PRDM5: variants seen among roughly 807,000 people sequenced by gnomAD.
PRDM5 encodes the protein PR/SET domain 5, also known as PR domain zinc finger protein 5.
PRDM5 carries 56 observed loss-of-function variants against 81.2 expected under a neutral mutation model. The ratio of observed to expected loss-of-function variants is 0.69; its 90% CI spans 0.56 to 0.86. The LOEUF is 0.86. Ranked by LOEUF, PRDM5 falls within the 40% of genes least tolerant of loss-of-function variation. The pLI is 0.00. For synonymous variants in PRDM5, 267 were observed against 256.4 expected (o/e 1.04, Z -0.39); for missense variants, 697 against 770.1 (o/e 0.91, Z 1.12).
chr4:120,723,746 G>A (rs1042263905), intron 14 of PRDM5, among the ~76,000 whole-genome samples: 1 of 152,014 alleles, frequency 6.6e-6, no homozygotes, highest in African/African-American at 2.4e-5. Flanking sequence ...AAAATGTTGA[G>A]TTTCAAATAA....
chr4:120,777,265 T>C lies in PRDM5; in HGVS notation c.1460A>G (p.Lys487Arg), dbSNP rs1424923979. Residue 487 changes from lysine (K) to arginine (R), a missense_variant, in exon 13 of 16, where the codon AAG becomes AGG. Around this residue, in one of 3 missense-constraint regions of PRDM5, gnomAD observed 577 missense variants for 606.7 expected, o/e 0.95. Coordinates refer to ENST00000264808, the MANE Select transcript of PRDM5 (RefSeq NM_018699.4). ...GCCACAATATGGACAGATTTTCTCC[T>C]TTTCTCCTGTATGTGTCTAAAAGGA... ...RSHKKTHTGE[K>R]EKICPYCGQK... 4 of 1,613,250 alleles carry C rather than the reference T, an allele frequency of 2.5e-6. No individual in the cohort carries two copies. Among genetic ancestry groups the C allele is most frequent in the Non-Finnish European group, 3.4e-6 (4 of 1,179,506 alleles).
intron 2 of PRDM5, among the ~76,000 whole-genome samples, chr4:120,873,202 C>G (rs971920097): frequency 6.6e-6 from 1 of 152,042 alleles, no homozygotes; most frequent in Non-Finnish European, 1.5e-5. Context: ...CAGGATTTCA[C>G]CATGTTGGCC....
At chr4:120,827,305 T>C (rs1213858527) in intron 3 of PRDM5, among the ~76,000 whole-genome samples, 3 of 152,034 alleles carry the variant, frequency 2.0e-5, no homozygotes, top group African/African-American at 7.2e-5. Context: ...CCAAATATGA[T>C]GGTTGTCATG....
At chr4:120,821,562 A>C (rs1294436117) in intron 3 of PRDM5, among the ~76,000 whole-genome samples, 1 of 152,192 alleles carries the variant, frequency 6.6e-6, no homozygotes, top group Non-Finnish European at 1.5e-5. Flanking sequence ...ACATTTACAC[A>C]TGTCAAATGA....
At chr4:120,879,544 A>T (rs1330322070) in intron 2 of PRDM5, among the ~76,000 whole-genome samples, 1 of 152,222 alleles carries the variant, frequency 6.6e-6, no homozygotes, top group African/African-American at 2.4e-5. Flanking sequence ...CACGTATTAG[A>T]TACAAAATAT....
intron 10 of PRDM5, among the ~76,000 whole-genome samples, chr4:120,789,542 T>A (rs1750267350): frequency 6.6e-6 from 1 of 152,078 alleles, no homozygotes; most frequent in Admixed American, 6.5e-5. Context: ...TTGGAGAAAA[T>A]ATTCCAGAGG....
chr4:120,698,184 C>T (rs573410405), intron 15 of PRDM5, among the ~76,000 whole-genome samples: 1 of 152,308 alleles, frequency 6.6e-6, no homozygotes, highest in East Asian at 1.9e-4. Flanking sequence ...AGTCCACTCA[C>T]ATCAGACTTC....
intron 3 of PRDM5, among the ~76,000 whole-genome samples, chr4:120,850,153 T>TA (rs1759100067): frequency 6.6e-6 from 1 of 152,108 alleles, no homozygotes; most frequent in South Asian, 2.1e-4. Context: ...TTGGACCAAG[T>TA]ATTGACGTTT....
intron 14 of PRDM5, 118 bp from the exon 15 acceptor site, chr4:120,710,531 C>T: frequency 1.2e-6 from 1 of 828,292 alleles, no homozygotes; most frequent in South Asian, 1.4e-5. Context: ...TACAGGTATG[C>T]TGATATGGTT....
chr4:120,724,955 C>A (rs943478540), intron 14 of PRDM5, among the ~76,000 whole-genome samples: 4 of 152,160 alleles, frequency 2.6e-5, no homozygotes, highest in Non-Finnish European at 5.9e-5. Flanking sequence ...TAGCATAAAC[C>A]TGCCCCAGTC....
intron 8 of PRDM5, among the ~76,000 whole-genome samples, chr4:120,802,480 C>T (rs979210407): frequency 6.6e-6 from 1 of 152,238 alleles, no homozygotes; most frequent in Non-Finnish European, 1.5e-5. Context: ...TGACACCCCA[C>T]ATGGCCAGGT....
chr4:120,754,924 G>C (rs1173356274), intron 13 of PRDM5, among the ~76,000 whole-genome samples: 2 of 152,124 alleles, frequency 1.3e-5, no homozygotes, highest in Non-Finnish European at 2.9e-5. Flanking sequence ...TAATACTTGA[G>C]ACCAAATTAA....
chr4:120,905,253 C>T (rs924518493), intron 2 of PRDM5, among the ~76,000 whole-genome samples: 1 of 152,164 alleles, frequency 6.6e-6, no homozygotes, highest in African/African-American at 2.4e-5. Flanking sequence ...CCACTCCTCA[C>T]CCCCAGCAGT....
chr4:120,781,779 G>A (rs755192219), intron 11 of PRDM5, among the ~76,000 whole-genome samples: 1 of 152,178 alleles, frequency 6.6e-6, no homozygotes, highest in Non-Finnish European at 1.5e-5. Context: ...AAGCCTCTGA[G>A]GGCAGAGGGT....
At chr4:120,798,143 A>T in intron 10 of PRDM5, 124 bp downstream of exon 10, 1 of 636,312 alleles carries the variant, frequency 1.6e-6, no homozygotes, top group Non-Finnish European at 2.5e-6. Context: ...CAGGTGAGTG[A>T]TCTTCTCTAG....
At chr4:120,839,824 G>A (rs974031642) in intron 3 of PRDM5, among the ~76,000 whole-genome samples, 5 of 152,184 alleles carry the variant, frequency 3.3e-5, no homozygotes, top group South Asian at 2.1e-4. Flanking sequence ...GCTCTGCATC[G>A]GTTTCCAACC....
intron 14 of PRDM5, among the ~76,000 whole-genome samples, chr4:120,734,654 G>T (rs922329055): frequency 2.0e-5 from 3 of 152,124 alleles, no homozygotes; most frequent in Admixed American, 2.0e-4. Context: ...GTTTTCTCCT[G>T]GTTCTCCTTC....
Position 120,821,182 on chromosome 4 carries a change from G to T in PRDM5, c.464C>A (p.Ala155Glu). The stretch of plus-strand genomic sequence containing the variant: ...TAAAGATGCAATACCTTTTCTGCCC[G>T]CTGTTGATTGTCTTCTAGAATTTTC... ...EVENSRRQST[A>E]GRKDRLGCKE... The change falls in exon 4 of 16, where the codon GCG becomes GAG. Residue 155 changes from alanine to glutamate, a missense_variant. Physicochemically the swap from Ala to Glu is moderately radical, Grantham distance 107. Around this residue, in one of 3 missense-constraint regions of PRDM5, gnomAD observed 577 missense variants for 606.7 expected, o/e 0.95. Coordinates refer to ENST00000264808, the MANE Select transcript of PRDM5 (RefSeq NM_018699.4). The T allele has an allele frequency of 1.9e-6, 3 of 1,613,880 alleles. No homozygotes were observed. The highest frequency in any genetic ancestry group is 2.5e-6 in the Non-Finnish European group (3 of 1,179,902).
downstream of PRDM5, among the ~76,000 whole-genome samples, chr4:120,684,363 G>A (rs1414863681): frequency 6.6e-6 from 1 of 151,920 alleles, no homozygotes; most frequent in Non-Finnish European, 1.5e-5. Context: ...AAGAAAGAAG[G>A]TCATATTTGG....
Sources: gnomAD v4.1 joint callset for allele counts (sites outside exome capture counted in the v4.1 genomes callset) on GRCh38, gnomAD v4.1.1 for gene constraint, gnomAD v4.1.1 regional missense constraint, MANE v1.5 for transcripts, NCBI Gene and HGNC (gene_info 2026-07-23, HGNC 2026-07-21) for gene names.